GPATCH1: variants seen among roughly 807,000 people sequenced by gnomAD.
GPATCH1 encodes the protein G-patch domain containing 1, also known as G patch domain-containing protein 1.
Under a neutral mutation model 114.9 loss-of-function variants are expected in GPATCH1, and 73 were observed. The observed-to-expected ratio is 0.64, with a 90% confidence interval of 0.53 to 0.77. The LOEUF is 0.77. Among genes scored for constraint, GPATCH1 ranks in the 30% least tolerant of loss-of-function variants. The pLI, the probability that GPATCH1 is intolerant of heterozygous loss-of-function variation, is 0.00. For synonymous variants in GPATCH1, 391 were observed against 428.4 expected (o/e 0.91, Z 1.08); for missense variants, 1,058 against 1,144.3 (o/e 0.92, Z 1.09).
chr19:33,123,762 G>T (rs990477177), intron 17 of GPATCH1, among the ~76,000 whole-genome samples: 3 of 151,542 alleles, frequency 2.0e-5, no homozygotes, highest in African/African-American at 4.8e-5. Flanking sequence ...AATAAATAAA[G>T]AAATAGGACT....
At chr19:33,101,463 TTC>T (rs758670387) in intron 8 of GPATCH1, 30 bp from the exon 9 acceptor site, 1 of 1,207,536 alleles carries the variant, frequency 8.3e-7, no homozygotes, top group South Asian at 1.3e-5. Flanking sequence ...TCATCTCTAC[TTC>T]TGGAATTAAT....
Position 33,096,218 on chromosome 19 carries a change from T to A in GPATCH1, c.624T>A (p.Asp208Glu), listed in dbSNP as rs1211873789. 6.2e-7 allele frequency: 1 copy of A among 1,613,640 alleles called. No individual in the cohort carries two copies. The highest frequency in any genetic ancestry group is 2.2e-5 in the East Asian group (1 of 44,876). The change falls in exon 7 of 20, where the codon GAT (aspartate) becomes GAA (glutamate). Residue 208 changes from aspartate (D) to glutamate (E), a missense_variant. This residue lies in a region of GPATCH1 where 893 missense variants were observed against 977.4 expected (regional missense o/e 0.91). Transcript: ENST00000170564. ...TTAAACGGAAATAGGGTGAAGATGA[T>A]GACTACTTGCCTGATAATGTGACCT... ...GSSEGSEGED[D>E]DYLPDNVTFA...
Position 33,093,657 on chromosome 19 carries a change from C to T in GPATCH1, c.455+138C>T, listed in dbSNP as rs957633328. The T allele has an allele frequency of 4.2e-5, 33 of 787,864 alleles. No individual in the cohort carries two copies. The East Asian group carries it at 6.6e-4, about 16-fold the overall frequency. The allele number at this position is 787,864 out of a possible 1,614,324, so 48.8% of individuals were successfully genotyped here. On this transcript the variant is annotated intron_variant, in intron 4 of 19. Transcript: ENST00000170564. ...AGTCTAAGTGAAAAAGGGGGTTTTG[C>T]GTAAAGGATCTTGCACTGTCATTGC...
At chr19:33,092,242 G>T (rs1269123801) in intron 3 of GPATCH1, among the ~76,000 whole-genome samples, 1 of 151,848 alleles carries the variant, frequency 6.6e-6, no homozygotes, top group African/African-American at 2.4e-5. Flanking sequence ...GTAGAGACGG[G>T]GTTTCACCAT....
intron 1 of GPATCH1, among the ~76,000 whole-genome samples, chr19:33,082,888 T>C (rs2145295615): frequency 6.6e-6 from 1 of 152,232 alleles, no homozygotes; most frequent in South Asian, 2.1e-4. Context: ...TCACCTTGGC[T>C]TCCCAAAGTG....
In GPATCH1 at chr19:33,090,784, G is replaced by T. The variant is rs1207370261; in HGVS notation, c.213G>T (p.Trp71Cys). 1 of 1,606,282 alleles carries T rather than the reference G, an allele frequency of 6.2e-7. No homozygotes were observed. ...YFNTVGSKEG[W>C]TPSTFVSSRQ... ...TCTAAACTCTTTTTTTTTCAGGATG[G>T]ACACCCTCTACCTTTGTGTCTTCAC... The change falls in exon 3 of 20, where the codon TGG becomes TGT. Residue 71 changes from tryptophan (W) to cysteine (C), a missense_variant. Transcript: ENST00000170564.
chr19:33,107,824 T>G (rs995837520), intron 10 of GPATCH1, among the ~76,000 whole-genome samples: 1 of 152,134 alleles, frequency 6.6e-6, no homozygotes, highest in Non-Finnish European at 1.5e-5. Context: ...GGAGGCCTAA[T>G]TCTTTTTTTT....
At chr19:33,110,966 A>C (rs928557478) in intron 11 of GPATCH1, among the ~76,000 whole-genome samples, 1 of 149,688 alleles carries the variant, frequency 6.7e-6, no homozygotes, top group Non-Finnish European at 1.5e-5. Flanking sequence ...CCAAAAAAAA[A>C]AAGATATATA....
chr19:33,088,658 C>CTTT lies in GPATCH1; in HGVS notation c.208+404_208+406dup, dbSNP rs10658695. Among the ~76,000 whole-genome samples, 101 of 96,186 alleles carry CTTT rather than the reference C, an allele frequency of 1.1e-3. 2 individuals are homozygous for CTTT. Among genetic ancestry groups the CTTT allele is most frequent in the African/African-American group, 2.4e-3 (61 of 25,150 alleles). 63.1% of individuals were successfully genotyped at this position (96,186 alleles called of 152,430 possible). A position where few individuals can be genotyped will look rare whatever the true frequency, so the allele number is the denominator to read the frequency against. On this transcript the variant is annotated intron_variant, in intron 2 of 19. Transcript: ENST00000170564. The stretch of plus-strand genomic sequence containing the variant: ...GAGCCACTGCACCCGGCCACCTTTG[C>CTTT]TTTTTTTTTTTTTTTTGCGATGGAG...
chr19:33,084,877 T>A (rs1599848131), intron 1 of GPATCH1, among the ~76,000 whole-genome samples: 1 of 151,840 alleles, frequency 6.6e-6, no homozygotes, highest in Non-Finnish European at 1.5e-5. Flanking sequence ...GCCAGGCTGG[T>A]CTTGAACTCC....
intron 1 of GPATCH1, among the ~76,000 whole-genome samples, chr19:33,083,243 C>CA (rs759998717): frequency 0.14 from 8,753 of 61,450 alleles, 805 homozygotes; most frequent in Admixed American, 0.31. Context: ...GACTCTGTCT[C>CA]AAAAAAAAAA....
chr19:33,117,389 G>A lies in GPATCH1; in HGVS notation c.2197-436G>A, dbSNP rs186403067. Among the ~76,000 whole-genome samples the A allele has an allele frequency of 4.1e-3, 620 of 152,204 alleles. 7 individuals carry two copies. Among genetic ancestry groups the A allele is most frequent in the African/African-American group, 0.014 (577 of 41,532 alleles). On this transcript the variant is annotated intron_variant, in intron 15 of 19. Transcript: ENST00000170564. ...AATCTGAGTTTGGAAATAGAACAGAGGCACAGTGCTCTACTGCATTTTTGG... is the reference window on the plus strand; with the variant it reads ...AATCTGAGTTTGGAAATAGAACAGAAGCACAGTGCTCTACTGCATTTTTGG...
intron 17 of GPATCH1, among the ~76,000 whole-genome samples, chr19:33,121,935 A>G (rs1473027688): frequency 2.0e-5 from 3 of 152,252 alleles, no homozygotes; most frequent in Non-Finnish European, 2.9e-5. Flanking sequence ...AGACAGGATT[A>G]AAAAGCAGAG....
chr19:33,098,939 CT>C (rs982655178), intron 8 of GPATCH1, among the ~76,000 whole-genome samples: 110 of 151,064 alleles, frequency 7.3e-4, no homozygotes, highest in African/African-American at 2.5e-3. Flanking sequence ...TTTTTTTCCC[CT>C]GAGTCATTTA....
In GPATCH1 at chr19:33,113,635, T is replaced by C. The variant is rs139929440; in HGVS notation, c.1893-132T>C. On this transcript the variant is annotated intron_variant, in intron 13 of 19. Coordinates refer to ENST00000170564, the MANE Select transcript of GPATCH1 (RefSeq NM_018025.3). Reference sequence around the variant, plus strand: ...AGTCACCCAGATTCTCGAACTGCTTTGAGAAGTGAAAGCATCTTAGGAGAC... The same window carrying C: ...AGTCACCCAGATTCTCGAACTGCTTCGAGAAGTGAAAGCATCTTAGGAGAC... 276 of 672,756 alleles carry C rather than the reference T, an allele frequency of 4.1e-4. 1 individual carries two copies. The African/African-American group carries it at 4.6e-3, about 11-fold the overall frequency. 41.7% of individuals were successfully genotyped at this position (672,756 alleles called of 1,614,324 possible).
intron 19 of GPATCH1, among the ~76,000 whole-genome samples, chr19:33,128,715 G>T (rs1192915641): frequency 1.3e-5 from 2 of 152,204 alleles, no homozygotes; most frequent in Non-Finnish European, 2.9e-5. Context: ...GAAGGGTGTT[G>T]TGTGAATTCT....
In GPATCH1 at chr19:33,126,920, C is replaced by A. The variant is rs530916241; in HGVS notation, c.2765+187C>A. Among the ~76,000 whole-genome samples, 117 of 151,612 alleles carry A rather than the reference C, an allele frequency of 7.7e-4. 2 individuals carry two copies. The highest frequency in any genetic ancestry group is 7.9e-4 in the Admixed American group (12 of 15,172). ...TCGCTTGAGCCCAGGAGTTTGAGAC[C>A]AGCCTGGGCAACATAGTGAGACCCC... On this transcript the variant is annotated intron_variant, in intron 19 of 19. Coordinates refer to ENST00000170564, the MANE Select transcript of GPATCH1 (RefSeq NM_018025.3).
intron 1 of GPATCH1, among the ~76,000 whole-genome samples, chr19:33,081,857 A>G (rs11084705): frequency 0.29 from 36,368 of 125,168 alleles, 7,817 homozygotes; most frequent in East Asian, 0.49. Flanking sequence ...GGGTCATGGG[A>G]AATTACACAG....
intron 19 of GPATCH1, among the ~76,000 whole-genome samples, chr19:33,126,977 A>G (rs1302812192): frequency 2.0e-5 from 3 of 151,828 alleles, no homozygotes; most frequent in Non-Finnish European, 4.4e-5. Context: ...CAAACAAACA[A>G]AAAACAAATT....
Sources: allele counts gnomAD v4.1 joint callset (sites outside exome capture counted in the v4.1 genomes callset), GRCh38; gene constraint gnomAD v4.1.1; regional missense constraint gnomAD v4.1.1; transcripts MANE v1.5; gene names NCBI Gene and HGNC (gene_info 2026-07-23, HGNC 2026-07-21).